The following CHODL variants were observed in gnomAD, a reference collection of about 807,000 sequenced individuals.
The protein encoded by CHODL is transmembrane protein MT75.
Under a neutral mutation model 34.5 loss-of-function variants are expected in CHODL, and 29 were observed. That is an observed-to-expected ratio of 0.84 (90% CI 0.63 to 1.15). The LOEUF is 1.15. CHODL is among the 50% of genes most tolerant of loss of function. The pLI is 0.00. For missense variants in CHODL, 332 were observed against 332.5 expected (o/e 1.00, Z 0.01); for synonymous variants, 125 against 116.1 (o/e 1.08, Z -0.49).
chr21:18,119,778 A>G (rs1435203112), intron 2 of CHODL, among the ~76,000 whole-genome samples: 1 of 152,306 alleles, frequency 6.6e-6, no homozygotes, highest in South Asian at 2.1e-4. Flanking sequence ...AAAATTATAT[A>G]TGAGCATTGG....
At chr21:18,058,744 G>C (rs1386210427) in intron 2 of CHODL, among the ~76,000 whole-genome samples, 1 of 152,098 alleles carries the variant, frequency 6.6e-6, no homozygotes, top group African/African-American at 2.4e-5. Flanking sequence ...GAGCTCATGA[G>C]CATCTAACAT....
At chr21:18,140,479 T>C (rs1347645972) in intron 2 of CHODL, among the ~76,000 whole-genome samples, 1 of 152,108 alleles carries the variant, frequency 6.6e-6, no homozygotes, top group Non-Finnish European at 1.5e-5. Context: ...TCTCATAAAT[T>C]CATATGAAAA....
intron 2 of CHODL, among the ~76,000 whole-genome samples, chr21:18,080,960 A>T (rs1215671654): frequency 6.6e-6 from 1 of 152,124 alleles, no homozygotes; most frequent in Non-Finnish European, 1.5e-5. Context: ...TATCCTTGCA[A>T]TCTATGAGCA....
At chr21:17,937,786 C>T (rs1451489604) in intron 1 of CHODL, among the ~76,000 whole-genome samples, 1 of 151,938 alleles carries the variant, frequency 6.6e-6, no homozygotes, top group Non-Finnish European at 1.5e-5. Flanking sequence ...AAAAAGTTAT[C>T]TATAGTTTTT....
intron 2 of CHODL, among the ~76,000 whole-genome samples, chr21:18,238,614 G>T (rs544055285): frequency 6.6e-6 from 1 of 152,146 alleles, no homozygotes; most frequent in African/African-American, 2.4e-5. Flanking sequence ...TCAGGGAGGG[G>T]TTGCTGTGGA....
chr21:18,096,517 C>G (rs2065141700), intron 2 of CHODL, among the ~76,000 whole-genome samples: 1 of 152,116 alleles, frequency 6.6e-6, no homozygotes, highest in African/African-American at 2.4e-5. Context: ...AATGGCCACT[C>G]TGGGAGTGTC....
At chr21:18,214,585 A>G (rs1156465654) in intron 2 of CHODL, among the ~76,000 whole-genome samples, 1 of 152,160 alleles carries the variant, frequency 6.6e-6, no homozygotes, top group Non-Finnish European at 1.5e-5. Flanking sequence ...TTGCAAATTG[A>G]GGAAGCAATC....
At chr21:17,986,942 G>A (rs2063758222) in intron 1 of CHODL, among the ~76,000 whole-genome samples, 1 of 152,136 alleles carries the variant, frequency 6.6e-6, no homozygotes, top group East Asian at 1.9e-4. Flanking sequence ...AGTAGACCAT[G>A]GTAGATGGCC....
intron 1 of CHODL, among the ~76,000 whole-genome samples, chr21:17,977,434 C>T (rs1193309528): frequency 2.7e-5 from 4 of 148,088 alleles, no homozygotes; most frequent in South Asian, 2.1e-4. Flanking sequence ...GGCGTGATCT[C>T]GGCTCACTGC....
intron 2 of CHODL, chr21:18,027,998 G>A (rs1460009430): frequency 6.6e-6 from 1 of 152,524 alleles, no homozygotes; most frequent in East Asian, 1.9e-4. Flanking sequence ...TATTGTTTAA[G>A]CCACCTGGTC....
Position 18,265,318 on chromosome 21 carries a change from T to C in CHODL, c.738-636T>C, listed in dbSNP as rs141259556. On this transcript the variant is annotated intron_variant, in intron 5 of 5. Coordinates refer to ENST00000299295, the MANE Select transcript of CHODL (RefSeq NM_024944.3). ...ACACACACACACACACACATATATA[T>C]ATATGATGGAATACTACTCATCCAT... Among the ~76,000 whole-genome samples, 431 of 151,280 alleles carry C rather than the reference T, an allele frequency of 2.8e-3. 4 individuals are homozygous for C. The highest frequency in any genetic ancestry group is 9.8e-3 in the African/African-American group (404 of 41,084).
At chr21:18,165,529 C>A (rs2073141752) in intron 2 of CHODL, among the ~76,000 whole-genome samples, 1 of 152,178 alleles carries the variant, frequency 6.6e-6, no homozygotes, top group African/African-American at 2.4e-5. Flanking sequence ...AAGGACAGAT[C>A]ATCTCTGCTC....
rs184131527 is a variant in CHODL, at chr21:18,211,825, T to C, written c.-44-44684T>C. Among the ~76,000 whole-genome samples the C allele has an allele frequency of 3.1e-3, 474 of 152,340 alleles. 1 individual carries two copies. The highest frequency in any genetic ancestry group is 0.011 in the African/African-American group (447 of 41,576). On this transcript the variant is annotated intron_variant, in intron 2 of 6. Transcript: ENST00000400127. ...CACAAAGTTTTATTGATCGTGCCTC[T>C]CTAGGCTTGTTTTTGCTAGTTGCAT... is the stretch of plus-strand genomic sequence containing the variant.
chr21:18,039,056 C>G (rs1344808688), intron 2 of CHODL, among the ~76,000 whole-genome samples: 2 of 151,586 alleles, frequency 1.3e-5, no homozygotes, highest in Non-Finnish European at 1.5e-5. Flanking sequence ...ATGGTCCAAA[C>G]TGAAATTTTC....
intron 1 of CHODL, among the ~76,000 whole-genome samples, chr21:17,927,965 TTAC>T: frequency 6.6e-6 from 1 of 152,334 alleles, no homozygotes; most frequent in Non-Finnish European, 1.5e-5. Context: ...ATTTATATTG[TTAC>T]TGGAAAGGGT....
intron 5 of CHODL, among the ~76,000 whole-genome samples, chr21:18,263,544 A>AT (rs2074408002): frequency 6.6e-6 from 1 of 152,146 alleles, no homozygotes; most frequent in South Asian, 2.1e-4. Context: ...ATGTGTGCCA[A>AT]TTTTTTAATA....
intron 1 of CHODL, chr21:18,246,092 T>C (rs2056395457): frequency 5.7e-6 from 4 of 699,966 alleles, no homozygotes; most frequent in East Asian, 2.7e-5. Context: ...GAGCGATTTA[T>C]ATTGCAATTA....
At chr21:17,923,884 A>T (rs1200664958) in intron 1 of CHODL, among the ~76,000 whole-genome samples, 1 of 152,242 alleles carries the variant, frequency 6.6e-6, no homozygotes, top group Non-Finnish European at 1.5e-5. Context: ...ACACAAAGAT[A>T]GCTTTAAACA....
At chr21:18,236,694 A>G (rs545444480) in intron 2 of CHODL, among the ~76,000 whole-genome samples, 27 of 152,244 alleles carry the variant, frequency 1.8e-4, no homozygotes, top group Admixed American at 6.6e-5. Context: ...AATTTGATTA[A>G]AAATCTGTAA....
Sources: allele counts gnomAD v4.1 joint callset (sites outside exome capture counted in the v4.1 genomes callset), GRCh38; gene constraint gnomAD v4.1.1; transcripts MANE v1.5; gene names NCBI Gene and HGNC (gene_info 2026-07-23, HGNC 2026-07-21).